The following LRFN5 variants were observed in gnomAD, a reference collection of about 807,000 sequenced individuals.
LRFN5 encodes leucine rich repeat and fibronectin type III domain containing 5, also known as leucine-rich repeat and fibronectin type-III domain-containing protein 5.
LRFN5 carries 24 observed loss-of-function variants against 45.6 expected under a neutral mutation model. The observed-to-expected ratio is 0.53, with a 90% CI of 0.38 to 0.74. The LOEUF (loss-of-function observed/expected upper bound fraction) is 0.74, where lower values mean the gene tolerates loss of function less well. Among genes scored for constraint, LRFN5 ranks in the 30% least tolerant of loss-of-function variants. The pLI is 0.00. For synonymous variants in LRFN5, 340 were observed against 313.8 expected (o/e 1.08, Z -0.88); for missense variants, 776 against 861.5 (o/e 0.90, Z 1.24).
intron 2 of LRFN5, among the ~76,000 whole-genome samples, chr14:41,810,262 G>C (rs1887691206): frequency 6.6e-6 from 1 of 151,922 alleles, no homozygotes; most frequent in African/African-American, 2.4e-5. Context: ...AGAGCTATAG[G>C]TAACAATACA....
intron 2 of LRFN5, among the ~76,000 whole-genome samples, chr14:41,872,840 G>A (rs977192142): frequency 5.3e-5 from 8 of 152,184 alleles, no homozygotes; most frequent in Non-Finnish European, 1.2e-4. Context: ...TATTAGAAAC[G>A]CAACTAGTAC....
At chr14:41,827,085 AAC>A (rs1404364847) in intron 2 of LRFN5, among the ~76,000 whole-genome samples, 1 of 152,146 alleles carries the variant, frequency 6.6e-6, no homozygotes, top group Non-Finnish European at 1.5e-5. Flanking sequence ...CTGAAATTAC[AAC>A]ACATATAATT....
At chr14:41,733,807 A>G (rs1198236551) in intron 1 of LRFN5, among the ~76,000 whole-genome samples, 1 of 151,546 alleles carries the variant, frequency 6.6e-6, no homozygotes, top group Non-Finnish European at 1.5e-5. Context: ...ACAATTTAAA[A>G]TATTAATATA....
chr14:41,688,873 C>G (rs1023842977), intron 1 of LRFN5, among the ~76,000 whole-genome samples: 3 of 144,518 alleles, frequency 2.1e-5, no homozygotes, highest in Non-Finnish European at 4.5e-5. Context: ...GCAGTTCAAG[C>G]ACCATTTTGG....
At chr14:41,819,968 T>TTA (rs1555322881) in intron 2 of LRFN5, among the ~76,000 whole-genome samples, 3 of 151,764 alleles carry the variant, frequency 2.0e-5, no homozygotes, top group African/African-American at 7.3e-5. Flanking sequence ...TGTTTTTTTT[T>TTA]TTATTTTTCA....
chr14:41,838,022 T>C (rs374876122), intron 2 of LRFN5, among the ~76,000 whole-genome samples: 3 of 152,234 alleles, frequency 2.0e-5, no homozygotes, highest in African/African-American at 7.2e-5. Flanking sequence ...AAAAAGGATG[T>C]AGACCTGATT....
Position 41,766,896 on chromosome 14 carries a change from C to G in LRFN5, c.-154C>G, listed in dbSNP as rs1197187800. The stretch of plus-strand genomic sequence containing the variant: ...ATCCAGGTGTTGAGAAGATATGTAG[C>G]AGCCGAGCACCCATCTTTTGACACC... On this transcript the variant is annotated 5_prime_UTR_variant, in exon 2 of 6. Transcript: ENST00000298119. 1 of 152,526 alleles carries G rather than the reference C, an allele frequency of 6.6e-6. No homozygotes were observed. Among genetic ancestry groups the G allele is most frequent in the Non-Finnish European group, 1.5e-5 (1 of 68,028 alleles). 9.4% of individuals were successfully genotyped at this position (152,526 alleles called of 1,614,324 possible). A position where few individuals can be genotyped will look rare whatever the true frequency, so the allele number is the denominator to read the frequency against.
At chr14:41,896,562 T>C (rs1347695721) in intron 4 of LRFN5, among the ~76,000 whole-genome samples, 1 of 152,170 alleles carries the variant, frequency 6.6e-6, no homozygotes, top group East Asian at 1.9e-4. Context: ...AGTAAATTTA[T>C]ATACAAGAAA....
chr14:41,769,794 T>G (rs1228527394), intron 2 of LRFN5, among the ~76,000 whole-genome samples: 1 of 152,190 alleles, frequency 6.6e-6, no homozygotes, highest in Non-Finnish European at 1.5e-5. Flanking sequence ...ATATTATCAT[T>G]TGACAATTTG....
At chr14:41,860,743 G>A (rs1214057775) in intron 2 of LRFN5, among the ~76,000 whole-genome samples, 1 of 152,206 alleles carries the variant, frequency 6.6e-6, no homozygotes, top group African/African-American at 2.4e-5. Flanking sequence ...GAAAGACAGA[G>A]AATTGTAACA....
At chr14:41,757,673 G>A (rs1021067851) in intron 1 of LRFN5, among the ~76,000 whole-genome samples, 2 of 152,178 alleles carry the variant, frequency 1.3e-5, no homozygotes, top group Non-Finnish European at 2.9e-5. Flanking sequence ...TCTTTGACTA[G>A]GAAAGGGAAT....
intron 2 of LRFN5, among the ~76,000 whole-genome samples, chr14:41,854,193 C>T (rs367755113): frequency 2.6e-4 from 40 of 152,200 alleles, no homozygotes; most frequent in African/African-American, 8.4e-4. Flanking sequence ...GTTCAATTCC[C>T]ACCTATGAGT....
intron 1 of LRFN5, among the ~76,000 whole-genome samples, chr14:41,643,660 A>G (rs571856533): frequency 1.3e-5 from 2 of 151,976 alleles, no homozygotes; most frequent in South Asian, 4.1e-4. Flanking sequence ...CCTGGGCACA[A>G]TCTCTCCCCA....
rs74958207 is a variant in LRFN5, at chr14:41,819,929, A to G, written c.-21+52900A>G. ...TTCACTGACCACCTGTATGTTATTG[A>G]AAAATGTCCACTTTTTGATAGGGTT... On this transcript the variant is annotated intron_variant, in intron 2 of 5. Coordinates refer to ENST00000298119, the MANE Select transcript of LRFN5 (RefSeq NM_152447.5). Among the ~76,000 whole-genome samples, 6,128 of 150,378 alleles carry G rather than the reference A, an allele frequency of 0.041. 731 individuals carry two copies. In the East Asian group the frequency reaches 0.45, roughly 11 times the overall value.
chr14:41,752,108 G>A (rs1160837083), intron 1 of LRFN5, among the ~76,000 whole-genome samples: 1 of 152,040 alleles, frequency 6.6e-6, no homozygotes, highest in African/African-American at 2.4e-5. Context: ...CATTTTTTAT[G>A]GCTGCATAGT....
intron 1 of LRFN5, among the ~76,000 whole-genome samples, chr14:41,690,184 C>T (rs1882313806): frequency 6.6e-6 from 1 of 151,656 alleles, no homozygotes; most frequent in South Asian, 2.1e-4. Context: ...ATAACCAAGT[C>T]CTATTCATCA....
chr14:41,750,267 TTATA>T (rs60275061), intron 1 of LRFN5, among the ~76,000 whole-genome samples: 173 of 144,384 alleles, frequency 1.2e-3, no homozygotes, highest in African/African-American at 1.6e-3. Context: ...GTAACTTTTC[TTATA>T]TATATATATA....
chr14:41,643,129 T>C (rs74045184), intron 1 of LRFN5, among the ~76,000 whole-genome samples: 11,487 of 152,238 alleles, frequency 0.075, 1,129 homozygotes, highest in African/African-American at 0.23. Context: ...TTTGACTCCC[T>C]ACATATTTTG....
At chr14:41,639,342 C>G (rs2138594123) in intron 1 of LRFN5, among the ~76,000 whole-genome samples, 1 of 152,190 alleles carries the variant, frequency 6.6e-6, no homozygotes, top group Admixed American at 6.6e-5. Flanking sequence ...CTCTTTTCCC[C>G]TACAATGTTA....
Sources: gnomAD v4.1 joint callset for allele counts (sites outside exome capture counted in the v4.1 genomes callset) on GRCh38, gnomAD v4.1.1 for gene constraint, MANE v1.5 for transcripts, NCBI Gene and HGNC (gene_info 2026-07-23, HGNC 2026-07-21) for gene names.